The following WDR37 variants were observed in gnomAD, a reference collection of about 807,000 sequenced individuals.
The protein encoded by WDR37 is WD repeat-containing protein 37.
Under a neutral mutation model 62.9 loss-of-function variants are expected in WDR37, and 19 were observed. That is an observed-to-expected ratio of 0.30 (90% CI 0.21 to 0.44). The LOEUF (loss-of-function observed/expected upper bound fraction) is 0.44, where lower values mean the gene tolerates loss of function less well. Among genes scored for constraint, WDR37 ranks in the 20% least tolerant of loss-of-function variants. The pLI, the probability that WDR37 is intolerant of heterozygous loss-of-function variation, is 1.00. For missense variants in WDR37, 474 were observed against 657.6 expected, an observed-to-expected ratio of 0.72 and a Z score of 3.05; for synonymous variants, 250 against 260.9, an observed-to-expected ratio of 0.96 and a Z score of 0.40.
chr10:1,107,461 C>A (rs1182996655), intron 11 of WDR37, among the ~76,000 whole-genome samples: 3 of 152,264 alleles, frequency 2.0e-5, no homozygotes, highest in Non-Finnish European at 4.4e-5. Context: ...TTCAAGCCTA[C>A]ATAAAAACCA....
intron 9 of WDR37, among the ~76,000 whole-genome samples, chr10:1,102,245 C>T (rs1171123595): frequency 1.4e-5 from 2 of 147,732 alleles, no homozygotes; most frequent in Admixed American, 6.7e-5. Flanking sequence ...CGATCCCGTG[C>T]CGCTGTGCGT....
rs201002615 is a variant in WDR37 at position 1,072,263 on chromosome 10, G to A, written c.108G>A (p.Thr36=). 55 of 1,614,010 alleles carry A rather than the reference G, an allele frequency of 3.4e-5. No individual in the cohort carries two copies. Among genetic ancestry groups the A allele is most frequent in the Non-Finnish European group, 4.3e-5 (51 of 1,180,022 alleles). Residue 36 remains threonine, a synonymous_variant, in exon 2 of 14, where the codon ACG becomes ACA. Coordinates refer to ENST00000263150, the MANE Select transcript of WDR37 (RefSeq NM_014023.4). ...CTAACAGCTCGGAGCAGGAGAGGAC[G>A]GGACTGCCAAGAGACATGTTAGAAG... The part of the protein sequence containing the change: ...RRTNSSEQER[T]GLPRDMLEGQ...
At chr10:1,104,671 G>A (rs1223779610) in intron 10 of WDR37, among the ~76,000 whole-genome samples, 1 of 152,152 alleles carries the variant, frequency 6.6e-6, no homozygotes, top group African/African-American at 2.4e-5. Flanking sequence ...AGGCATGTAC[G>A]GGGTGGGGGT....
At position 1,121,329 on chromosome 10, in the gene WDR37, CAA is replaced by C. The variant is rs1835570712; in HGVS notation, c.1104-2887_1104-2886del. Among the ~76,000 whole-genome samples, 9 of 152,292 alleles carry C rather than the reference CAA, an allele frequency of 5.9e-5. No homozygotes were observed. The South Asian group carries it at 1.7e-3, about 28-fold the overall frequency. ...GCCAAACCTCCTGAAGACTCCAGTT[CAA>C]AGAGAAGTTGGGGGCACCTCTCCTC... is the stretch of plus-strand genomic sequence containing the variant. On this transcript the variant is annotated intron_variant, in intron 11 of 13. Coordinates refer to ENST00000263150, the MANE Select transcript of WDR37 (RefSeq NM_014023.4). This position sits in a 1 kb window ranked among gnomAD's most constrained non-coding sequence, Gnocchi z 4.5.
intron 11 of WDR37, among the ~76,000 whole-genome samples, chr10:1,108,839 C>T (rs529948759): frequency 1.3e-5 from 2 of 151,226 alleles, no homozygotes; most frequent in South Asian, 4.2e-4. Flanking sequence ...ACTGCATTGA[C>T]TCTGGTCATC....
intron 7 of WDR37, among the ~76,000 whole-genome samples, chr10:1,091,152 G>C (rs1418852405): frequency 6.6e-6 from 1 of 152,224 alleles, no homozygotes; most frequent in Non-Finnish European, 1.5e-5. Context: ...CCATGTGCCT[G>C]CCTGCCCTAC....
chr10:1,072,389 C>T, intron 2 of WDR37, 96 bp downstream of exon 2: 5 of 1,492,080 alleles, frequency 3.4e-6, no homozygotes, highest in Middle Eastern at 2.1e-4. Flanking sequence ...GCGATCTCCG[C>T]TCACAACCTC....
intron 2 of WDR37, among the ~76,000 whole-genome samples, chr10:1,074,183 A>C (rs1001421344): frequency 1.3e-5 from 2 of 152,230 alleles, no homozygotes; most frequent in Non-Finnish European, 2.9e-5. Flanking sequence ...AAGCAGTCCA[A>C]GATAGGTTTT....
chr10:1,126,369 G>T (rs905871889), intron 13 of WDR37, among the ~76,000 whole-genome samples: 1 of 148,682 alleles, frequency 6.7e-6, no homozygotes, highest in Non-Finnish European at 1.5e-5. Flanking sequence ...TCGCGCCACT[G>T]CACTCCAGCC....
intron 2 of WDR37, among the ~76,000 whole-genome samples, chr10:1,075,946 A>G (rs1298801663): frequency 3.9e-5 from 6 of 151,906 alleles, no homozygotes; most frequent in East Asian, 1.9e-4. Flanking sequence ...CTCCTGGTTA[A>G]TTTTTGTATT....
At position 1,084,331 on chromosome 10, in the gene WDR37, G is replaced by T; in HGVS notation, c.397-72G>T. On this transcript the variant is annotated intron_variant, in intron 5 of 13. Coordinates refer to ENST00000263150, the MANE Select transcript of WDR37 (RefSeq NM_014023.4). ...GTGCATTTTCCAAGACGTCTTTTTC[G>T]TTTTCTCTTTCTTGACTTAGAAAAA... The T allele has an allele frequency of 1.0e-5, 16 of 1,561,656 alleles. No individual in the cohort carries two copies. In the Admixed American group the frequency reaches 1.4e-4, roughly 14 times the overall value.
intron 11 of WDR37, among the ~76,000 whole-genome samples, chr10:1,115,840 C>T (rs1456287148): frequency 6.6e-6 from 1 of 152,116 alleles, no homozygotes; most frequent in African/African-American, 2.4e-5. Flanking sequence ...CAGCAGGGCC[C>T]TGTGGAAGGG....
At chr10:1,114,076 C>T (rs997962948) in intron 11 of WDR37, among the ~76,000 whole-genome samples, 3 of 150,382 alleles carry the variant, frequency 2.0e-5, no homozygotes, top group African/African-American at 7.3e-5. Flanking sequence ...TCTGCCTCAG[C>T]CTCCCGAGTA....
chr10:1,069,383 ATATATATTTT>A (rs1489459559), intron 1 of WDR37, among the ~76,000 whole-genome samples: 1 of 27,748 alleles, frequency 3.6e-5, no homozygotes, highest in Non-Finnish European at 7.1e-5. Flanking sequence ...ATATATATAT[ATATATATTTT>A]TTTTTTTTTT....
chr10:1,064,537 G>C (rs1038316795), intron 1 of WDR37, among the ~76,000 whole-genome samples: 1 of 143,530 alleles, frequency 7.0e-6, no homozygotes, highest in Non-Finnish European at 1.5e-5. Context: ...TAGTAAGAGA[G>C]ATACCACTTG....
Position 1,106,197 on chromosome 10 carries a change from C to T in WDR37, c.1103+930C>T, listed in dbSNP as rs1032534863. 1.1e-4 allele frequency among the ~76,000 whole-genome samples: 16 copies of T among 152,254 alleles called. 1 individual carries two copies. The South Asian group carries it at 2.3e-3, about 22-fold the overall frequency. ...CTGCCCAGTCACGGGGGCTGTCTAC[C>T]TAGAGTGTTCCCTGGTTCTTCTCTT... is the stretch of plus-strand genomic sequence containing the variant. On this transcript the variant is annotated intron_variant, in intron 11 of 13. Transcript: ENST00000263150.
intron 1 of WDR37, among the ~76,000 whole-genome samples, chr10:1,057,345 G>A (rs1200706967): frequency 3.3e-5 from 5 of 152,132 alleles, no homozygotes; most frequent in African/African-American, 4.8e-5. Flanking sequence ...AGAAGGGTTC[G>A]GCCCGGGGTC....
intron 9 of WDR37, among the ~76,000 whole-genome samples, chr10:1,097,887 CG>C (rs1458904005): frequency 1.3e-5 from 2 of 151,968 alleles, no homozygotes; most frequent in Non-Finnish European, 2.9e-5. Flanking sequence ...CCGTGGTTTA[CG>C]GCTGGAGGGG....
Position 1,123,993 on chromosome 10 carries a change from G to C in WDR37, c.1104-225G>C, listed in dbSNP as rs1177132348. 7 of 555,208 alleles carry C rather than the reference G, an allele frequency of 1.3e-5. No homozygotes were observed. The East Asian group carries it at 2.1e-4, about 17-fold the overall frequency. The allele number at this position is 555,208 out of a possible 1,614,324, so 34.4% of individuals were successfully genotyped here. A position where few individuals can be genotyped will look rare whatever the true frequency, so the allele number is the denominator to read the frequency against. ...TTCCGTTGCCTGTAGATGTGGAATA[G>C]AGTAGAATGGACTGTGTGTTTCTGA... On this transcript the variant is annotated intron_variant, in intron 11 of 13. Transcript: ENST00000263150.
Sources: allele counts gnomAD v4.1 joint callset (sites outside exome capture counted in the v4.1 genomes callset), GRCh38; gene constraint gnomAD v4.1.1; non-coding constraint Gnocchi (gnomAD v3.1); transcripts MANE v1.5; gene names NCBI Gene and HGNC (gene_info 2026-07-23, HGNC 2026-07-21).